LYPLA2: variants seen among roughly 807,000 people sequenced by gnomAD.
LYPLA2 encodes acyl-protein thioesterase 2.
A neutral mutation model predicts 30.3 loss-of-function variants in LYPLA2; 7 were observed. The ratio of observed to expected loss-of-function variants is 0.23; its 90% confidence interval spans 0.13 to 0.43. The LOEUF (loss-of-function observed/expected upper bound fraction) is 0.43, where lower values mean the gene tolerates loss of function less well. Ranked by LOEUF, LYPLA2 falls within the 20% of genes least tolerant of loss-of-function variation. The pLI, the probability that LYPLA2 is intolerant of heterozygous loss-of-function variation, is 1.00. For synonymous variants in LYPLA2, 112 were observed against 118.2 expected, an observed-to-expected ratio of 0.95 and a Z score of 0.34; for missense variants, 206 against 307.9, an observed-to-expected ratio of 0.67 and a Z score of 2.48.
Position 23,795,055 on chromosome 1 carries a change from C to T in LYPLA2, c.*323C>T. The stretch of plus-strand genomic sequence containing the variant: ...TGACCCACTCACTCAGGACCTCACT[C>T]ACTAGCCCCGCTTTGGGCCCCCTCC... On this transcript the variant is annotated 3_prime_UTR_variant, in exon 10 of 10. Coordinates refer to ENST00000374514, the MANE Select transcript of LYPLA2 (RefSeq NM_007260.3). 1 of 554,126 alleles carries T rather than the reference C, an allele frequency of 1.8e-6. No homozygotes were observed. Among genetic ancestry groups the T allele is most frequent in the South Asian group, 1.7e-5 (1 of 60,024 alleles). 34.3% of individuals were successfully genotyped at this position (554,126 alleles called of 1,614,324 possible).
In LYPLA2 at chr1:23,793,774, G is replaced by C. The variant is rs1188358674; in HGVS notation, c.224+22G>C. 1 of 1,613,776 alleles carries C rather than the reference G, an allele frequency of 6.2e-7. No individual in the cohort carries two copies. Among genetic ancestry groups the C allele is most frequent in the Non-Finnish European group, 8.5e-7 (1 of 1,179,812 alleles). On this transcript the variant is annotated intron_variant, in intron 5 of 9. Transcript: ENST00000374514. This position sits in a 1 kb window ranked among gnomAD's most constrained non-coding sequence, Gnocchi z 6.0. ...CCTGGTGAGTTTGGGAGTGGGGGTG[G>C]GCAGGGGGACGAGGACACTTGGGCT...
At chr1:23,792,861 G>T in intron 2 of LYPLA2, 101 bp downstream of exon 2, 2 of 1,306,174 alleles carry the variant, frequency 1.5e-6, no homozygotes, top group Non-Finnish European at 2.2e-6. Flanking sequence ...TGAGCAGGGA[G>T]TATCCTGAGG....
At chr1:23,792,472 C>A in intron 1 of LYPLA2, 185 bp from the exon 2 acceptor site, 2 of 575,664 alleles carry the variant, frequency 3.5e-6, no homozygotes. Context: ...GAGGCTGTCT[C>A]TGCCTTTCAG....
Position 23,793,769 on chromosome 1 carries a change from G to A in LYPLA2, c.224+17G>A, listed in dbSNP as rs373100236. 5 of 1,613,804 alleles carry A rather than the reference G, an allele frequency of 3.1e-6. No homozygotes were observed. The East Asian group carries it at 6.7e-5, about 22-fold the overall frequency. ...GCCCTCCTGGTGAGTTTGGGAGTGG[G>A]GGTGGGCAGGGGGACGAGGACACTT... On this transcript the variant is annotated intron_variant, in intron 5 of 9. Transcript: ENST00000374514. The surrounding 1 kb of genome is among the most constrained non-coding windows in gnomAD (Gnocchi z 6.0).
rs1298357609 is a variant in LYPLA2, at chr1:23,793,619, G to C, written c.177-86G>C. Reference sequence around the variant, plus strand: ...CCTGCCTGCTGGGAGGGGCCACCAGGGGCGGCGCGGCCCCACTCCGGGCTC... The same window carrying C: ...CCTGCCTGCTGGGAGGGGCCACCAGCGGCGGCGCGGCCCCACTCCGGGCTC... On this transcript the variant is annotated intron_variant, in intron 4 of 9. Coordinates refer to ENST00000374514, the MANE Select transcript of LYPLA2 (RefSeq NM_007260.3). The surrounding 1 kb of genome is among the most constrained non-coding windows in gnomAD (Gnocchi z 6.0). 4 of 1,388,926 alleles carry C rather than the reference G, an allele frequency of 2.9e-6. No homozygotes were observed. In the Admixed American group the frequency reaches 5.0e-5, roughly 17 times the overall value. 86.0% of individuals were successfully genotyped at this position (1,388,926 alleles called of 1,614,324 possible).
Position 23,792,588 on chromosome 1 carries a change from G to A in LYPLA2, c.-26-69G>A, listed in dbSNP as rs574433326. ...GGTGCTGTGTGGGGCTGATGGCCTGGTGGCCTCTTGGGCCAGGAGTGTGTC... is the reference window on the plus strand; with the variant it reads ...GGTGCTGTGTGGGGCTGATGGCCTGATGGCCTCTTGGGCCAGGAGTGTGTC... On this transcript the variant is annotated intron_variant, in intron 1 of 9. Coordinates refer to ENST00000374514, the MANE Select transcript of LYPLA2 (RefSeq NM_007260.3). 9 of 924,446 alleles carry A rather than the reference G, an allele frequency of 9.7e-6. No individual in the cohort carries two copies. The South Asian group carries it at 1.1e-4, about 11-fold the overall frequency. 57.3% of individuals were successfully genotyped at this position (924,446 alleles called of 1,614,324 possible).
rs1314945704 is a variant in LYPLA2, at chr1:23,794,996, G to A, written c.*264G>A. ...GCCCCCCTGGCAGCAGTATTGGAGG[G>A]GCTACAGGCAGCTGGAGAAAGGGGC... On this transcript the variant is annotated 3_prime_UTR_variant, in exon 10 of 10. Transcript: ENST00000374514. This position sits in a 1 kb window ranked among gnomAD's most constrained non-coding sequence, Gnocchi z 5.9. The A allele has an allele frequency of 6.0e-6, 4 of 668,430 alleles. No homozygotes were observed. The highest frequency in any genetic ancestry group is 1.8e-5 in the African/African-American group (1 of 56,532). The allele number at this position is 668,430 out of a possible 1,614,324, so 41.4% of individuals were successfully genotyped here.
At chr1:23,792,896 G>A in intron 2 of LYPLA2, 112 bp from the exon 3 acceptor site, 2 of 1,259,092 alleles carry the variant, frequency 1.6e-6, no homozygotes, top group Non-Finnish European at 2.2e-6. Flanking sequence ...GTAGTAACCT[G>A]TTTGGCTGCT....
At chr1:23,792,983 C>A in intron 2 of LYPLA2, 25 bp from the exon 3 acceptor site, 1 of 1,607,154 alleles carries the variant, frequency 6.2e-7, no homozygotes, top group South Asian at 1.1e-5. Flanking sequence ...GCCTTCCTGT[C>A]TCCCCATTTC....
In LYPLA2 at chr1:23,794,195, C is replaced by T; in HGVS notation, c.370-29C>T. ...GGGTGGCCGGTGAGTGAGCTGTGCC[C>T]TCATGACCCCTCTCTCTCCTCCCTC... On this transcript the variant is annotated intron_variant, in intron 7 of 9. Coordinates refer to ENST00000374514, the MANE Select transcript of LYPLA2 (RefSeq NM_007260.3). The surrounding 1 kb of genome is among the most constrained non-coding windows in gnomAD (Gnocchi z 5.9). 1 of 1,591,468 alleles carries T rather than the reference C, an allele frequency of 6.3e-7. No individual in the cohort carries two copies. Among genetic ancestry groups the T allele is most frequent in the African/African-American group, 1.3e-5 (1 of 74,560 alleles).
chr1:23,791,201 G>C lies in LYPLA2; in HGVS notation c.-76G>C, dbSNP rs1638783625. 1.3e-5 allele frequency: 2 copies of C among 152,842 alleles called. No individual in the cohort carries two copies. Among genetic ancestry groups the C allele is most frequent in the East Asian group, 3.9e-4 (2 of 5,184 alleles). 9.5% of individuals were successfully genotyped at this position (152,842 alleles called of 1,614,324 possible). ...CCGAGGGGGAAGAGTGTGTCTGCGG[G>C]AGAAAGAGGAGAATCGCCCAAGCGG... is the stretch of plus-strand genomic sequence containing the variant. On this transcript the variant is annotated 5_prime_UTR_variant, in exon 1 of 10. Coordinates refer to ENST00000374514, the MANE Select transcript of LYPLA2 (RefSeq NM_007260.3).
chr1:23,792,882 C>A lies in LYPLA2; in HGVS notation c.78+122C>A. 2.8e-6 allele frequency: 3 copies of A among 1,070,308 alleles called. No individual in the cohort carries two copies. The South Asian group carries it at 4.0e-5, about 14-fold the overall frequency. 66.3% of individuals were successfully genotyped at this position (1,070,308 alleles called of 1,614,324 possible). On this transcript the variant is annotated intron_variant, in intron 2 of 9. Transcript: ENST00000374514. ...GGGAGTATCCTGAGGCCAGCAGGCTCGGGGTAGTAACCTGTTTGGCTGCTA... is the reference window on the plus strand; with the variant it reads ...GGGAGTATCCTGAGGCCAGCAGGCTAGGGGTAGTAACCTGTTTGGCTGCTA...
Position 23,793,308 on chromosome 1 carries a change from A to G in LYPLA2, c.176+92A>G. On this transcript the variant is annotated intron_variant, in intron 4 of 9. Transcript: ENST00000374514. The surrounding 1 kb of genome is among the most constrained non-coding windows in gnomAD (Gnocchi z 6.0). ...AGGCCTGTTCTCTCCTGTCAGTTGC[A>G]TCCTGGGGCTTGGGCTCAGGGCAGT... The G allele has an allele frequency of 7.4e-7, 1 of 1,349,988 alleles. No individual in the cohort carries two copies. The highest frequency in any genetic ancestry group is 1.1e-6 in the Non-Finnish European group (1 of 950,630). 83.6% of individuals were successfully genotyped at this position (1,349,988 alleles called of 1,614,324 possible).
Position 23,792,651 on chromosome 1 carries a change from A to T in LYPLA2, c.-26-6A>T, listed in dbSNP as rs755075670. On this transcript the variant is annotated splice_polypyrimidine_tract_variant and splice_region_variant and intron_variant, in intron 1 of 9. Coordinates refer to ENST00000374514, the MANE Select transcript of LYPLA2 (RefSeq NM_007260.3). Reference sequence around the variant, plus strand: ...TTGCTCTTGACCGCCGCCCCGATGTATGCAGGCCCCCGCCGTGGAGCCGTG... The same window carrying T: ...TTGCTCTTGACCGCCGCCCCGATGTTTGCAGGCCCCCGCCGTGGAGCCGTG... 1.2e-6 allele frequency: 2 copies of T among 1,605,018 alleles called. No homozygotes were observed. The highest frequency in any genetic ancestry group is 2.2e-5 in the South Asian group (2 of 90,844).
In LYPLA2 at chr1:23,793,019, A is replaced by G. The variant is rs1409233323; in HGVS notation, c.90A>G (p.Leu30=). 6.2e-7 allele frequency: 1 copy of G among 1,612,744 alleles called. No individual in the cohort carries two copies. Among genetic ancestry groups the G allele is most frequent in the Non-Finnish European group, 8.5e-7 (1 of 1,179,346 alleles). Residue 30 remains leucine, a synonymous_variant, in exon 3 of 10, where the codon TTA becomes TTG. Transcript: ENST00000374514. The surrounding 1 kb of genome is among the most constrained non-coding windows in gnomAD (Gnocchi z 6.0). The stretch of plus-strand genomic sequence containing the variant: ...CCATCCTTTTCCAGGTTATTTTTTT[A>G]CATGGACTTGGAGACACAGGGTAAG... ...AERETAAVIF[L]HGLGDTGHSW...
chr1:23,792,402 C>T (rs1231336134), intron 1 of LYPLA2: 2 of 477,632 alleles, frequency 4.2e-6, no homozygotes, highest in African/African-American at 4.0e-5. Flanking sequence ...TGCCTGTCTC[C>T]AGCAAGCTCA....
In LYPLA2 at chr1:23,793,127, C is replaced by T. The variant is rs770632972; in HGVS notation, c.111-24C>T. On this transcript the variant is annotated intron_variant, in intron 3 of 9. Coordinates refer to ENST00000374514, the MANE Select transcript of LYPLA2 (RefSeq NM_007260.3). This position sits in a 1 kb window ranked among gnomAD's most constrained non-coding sequence, Gnocchi z 6.0. ...GCCTTCTCTTCCTACCACATCGGAG[C>T]CTTTTCTCCCGTCCCTCCTACAGGC... The T allele has an allele frequency of 1.1e-5, 18 of 1,613,958 alleles. No individual in the cohort carries two copies. The East Asian group carries it at 3.8e-4, about 34-fold the overall frequency.
rs1364166481 is a variant in LYPLA2 at position 23,794,169 on chromosome 1, G to C, written c.369+33G>C. 5 of 1,530,632 alleles carry C rather than the reference G, an allele frequency of 3.3e-6. No individual in the cohort carries two copies. The South Asian group carries it at 5.8e-5, about 18-fold the overall frequency. 94.8% of individuals were successfully genotyped at this position (1,530,632 alleles called of 1,614,324 possible). On this transcript the variant is annotated intron_variant, in intron 7 of 9. Transcript: ENST00000374514. The surrounding 1 kb of genome is among the most constrained non-coding windows in gnomAD (Gnocchi z 5.9). Reference sequence around the variant, plus strand: ...GAGAGGGGTGGGGGGGTAGGGGGTAGGGGTGGCCGGTGAGTGAGCTGTGCC... The same window carrying C: ...GAGAGGGGTGGGGGGGTAGGGGGTACGGGTGGCCGGTGAGTGAGCTGTGCC...
chr1:23,793,312 T>C lies in LYPLA2; in HGVS notation c.176+96T>C. On this transcript the variant is annotated intron_variant, in intron 4 of 9. Coordinates refer to ENST00000374514, the MANE Select transcript of LYPLA2 (RefSeq NM_007260.3). This position sits in a 1 kb window ranked among gnomAD's most constrained non-coding sequence, Gnocchi z 6.0. The stretch of plus-strand genomic sequence containing the variant: ...CTGTTCTCTCCTGTCAGTTGCATCC[T>C]GGGGCTTGGGCTCAGGGCAGTCAGA... The C allele has an allele frequency of 7.6e-7, 1 of 1,311,570 alleles. No individual in the cohort carries two copies. Among genetic ancestry groups the C allele is most frequent in the South Asian group, 1.2e-5 (1 of 82,922 alleles). The allele number at this position is 1,311,570 out of a possible 1,614,324, so 81.2% of individuals were successfully genotyped here. A position where few individuals can be genotyped will look rare whatever the true frequency, so the allele number is the denominator to read the frequency against.
Sources: allele counts gnomAD v4.1 joint callset, GRCh38; gene constraint gnomAD v4.1.1; non-coding constraint Gnocchi (gnomAD v3.1); transcripts MANE v1.5; gene names NCBI Gene and HGNC (gene_info 2026-07-23, HGNC 2026-07-21).